CPS1: variants seen among roughly 807,000 people sequenced by gnomAD.
The protein encoded by CPS1 is carbamoyl-phosphate synthase 1.
CPS1 carries 109 observed loss-of-function variants against 174.6 expected under a neutral mutation model. The observed-to-expected ratio is 0.62, with a 90% confidence interval of 0.53 to 0.73. CPS1 has a LOEUF of 0.73. CPS1 is among the 30% of genes least tolerant of loss of function. The probability of loss-of-function intolerance (pLI) is 0.00; values close to 1 mark genes in which losing one functional copy is unlikely to be tolerated. For synonymous variants in CPS1, 637 were observed against 632.0 expected, an observed-to-expected ratio of 1.01 and a Z score of -0.12; for missense variants, 1,689 against 1,821.9, an observed-to-expected ratio of 0.93 and a Z score of 1.33.
intron 1 of CPS1, among the ~76,000 whole-genome samples, chr2:210,531,470 T>TAATA (rs1286522632): frequency 1.3e-5 from 2 of 152,122 alleles, no homozygotes; most frequent in Non-Finnish European, 2.9e-5. Context: ...GGGAACATTT[T>TAATA]AATGAGGCAA....
At chr2:210,592,174 TCTAG>T (rs1280687555) in intron 10 of CPS1, among the ~76,000 whole-genome samples, 5 of 152,100 alleles carry the variant, frequency 3.3e-5, no homozygotes, top group Non-Finnish European at 7.4e-5. Flanking sequence ...AATCTTCTCT[TCTAG>T]CTGTTTTGAA....
chr2:210,606,412 T>C (rs987901761), intron 17 of CPS1, among the ~76,000 whole-genome samples: 1 of 151,828 alleles, frequency 6.6e-6, no homozygotes, highest in African/African-American at 2.4e-5. Context: ...AGTGATAATA[T>C]TCAATGAAAG....
At chr2:210,515,519 CTT>C (rs754579144) in intron 1 of CPS1, among the ~76,000 whole-genome samples, 5 of 150,894 alleles carry the variant, frequency 3.3e-5, no homozygotes, top group South Asian at 2.1e-4. Flanking sequence ...CTCTGAGAAT[CTT>C]TTGTATTTCT....
At chr2:210,538,312 T>C (rs1696312730) in intron 1 of CPS1, among the ~76,000 whole-genome samples, 1 of 152,146 alleles carries the variant, frequency 6.6e-6, no homozygotes, top group Non-Finnish European at 1.5e-5. Context: ...TGCAGATACA[T>C]ACATAATTAT....
intron 34 of CPS1, chr2:210,673,146 A>G (rs1011869883): frequency 6.6e-6 from 1 of 152,230 alleles, no homozygotes; most frequent in Non-Finnish European, 1.5e-5. Flanking sequence ...TAACTAGCTC[A>G]TGTCATCTGT....
chr2:210,645,602 C>T (rs866653847), intron 25 of CPS1, among the ~76,000 whole-genome samples: 3 of 152,004 alleles, frequency 2.0e-5, no homozygotes, highest in African/African-American at 7.3e-5. Context: ...CAAGACCAGC[C>T]TGGACCCCAT....
At chr2:210,517,282 G>A (rs551477762) in intron 1 of CPS1, among the ~76,000 whole-genome samples, 3 of 151,836 alleles carry the variant, frequency 2.0e-5, no homozygotes, top group Non-Finnish European at 4.4e-5. Context: ...TACTTTATTG[G>A]TGCATAATCT....
In CPS1 at chr2:210,568,134, C is replaced by T. The variant is rs546966245; in HGVS notation, c.127-5164C>T. ...AATACCTTTAGCAATTAAAAGGTAA[C>T]ACACAACAGTATACACCAAATGCAG... On this transcript the variant is annotated intron_variant, in intron 1 of 37. Transcript: ENST00000233072. Among the ~76,000 whole-genome samples, 11 of 152,150 alleles carry T rather than the reference C, an allele frequency of 7.2e-5. 1 individual carries two copies. The South Asian group carries it at 2.1e-3, about 29-fold the overall frequency.
At chr2:210,602,587 A>G (rs1172594938) in intron 16 of CPS1, among the ~76,000 whole-genome samples, 1 of 151,972 alleles carries the variant, frequency 6.6e-6, no homozygotes, top group African/African-American at 2.4e-5. Context: ...CTTTTATAGT[A>G]CAATCTATTG....
At chr2:210,639,644 A>G (rs983667385) in intron 23 of CPS1, among the ~76,000 whole-genome samples, 1 of 149,664 alleles carries the variant, frequency 6.7e-6, no homozygotes, top group Non-Finnish European at 1.5e-5. Context: ...AAAAAAAAAA[A>G]GGCATCATGT....
chr2:210,630,932 TCAGAGAA>T (rs1412076071), intron 21 of CPS1, among the ~76,000 whole-genome samples: 27 of 151,656 alleles, frequency 1.8e-4, no homozygotes, highest in South Asian at 2.1e-4. Flanking sequence ...GGTTCATGAG[TCAGAGAA>T]CATATATCTT....
At chr2:210,549,747 A>G (rs747933922) in intron 1 of CPS1, among the ~76,000 whole-genome samples, 2 of 152,072 alleles carry the variant, frequency 1.3e-5, no homozygotes, top group African/African-American at 4.8e-5. Flanking sequence ...ATGTAAAACT[A>G]TCTAGGGAAT....
chr2:210,509,955 G>C (rs1695403714), intron 1 of CPS1, among the ~76,000 whole-genome samples: 2 of 152,120 alleles, frequency 1.3e-5, no homozygotes, highest in Non-Finnish European at 2.9e-5. Flanking sequence ...TACTGCCCAA[G>C]GTAATTTATA....
At chr2:210,543,006 T>A (rs1696472575) in intron 1 of CPS1, among the ~76,000 whole-genome samples, 1 of 152,090 alleles carries the variant, frequency 6.6e-6, no homozygotes, top group Non-Finnish European at 1.5e-5. Flanking sequence ...TGGCACCTCA[T>A]GCCCCTATAA....
chr2:210,629,784 C>T (rs1002300753), intron 21 of CPS1, among the ~76,000 whole-genome samples: 2 of 150,502 alleles, frequency 1.3e-5, no homozygotes. Flanking sequence ...GGCTCGGTGG[C>T]TCACGCCTGT....
Position 210,517,490 on chromosome 2 carries a change from G to A in CPS1, c.4-39229G>A, listed in dbSNP as rs569817816. 2.0e-5 allele frequency among the ~76,000 whole-genome samples: 3 copies of A among 152,112 alleles called. No homozygotes were observed. The South Asian group carries it at 6.2e-4, about 32-fold the overall frequency. ...ATATCAACCAATAGATGTGTGAATT[G>A]CAATTGTTAGTGGCCTTGAACTGCC... is the stretch of plus-strand genomic sequence containing the variant. On this transcript the variant is annotated intron_variant, in intron 1 of 38. Coordinates refer to the CPS1 transcript ENST00000430249.
intron 27 of CPS1, 96 bp downstream of exon 27, chr2:210,648,636 G>T (rs983174104): frequency 5.6e-5 from 55 of 983,210 alleles, no homozygotes; most frequent in Non-Finnish European, 8.1e-5. Context: ...TCTATATGTA[G>T]TAATTTATAA....
chr2:210,580,292 CTT>C (rs1257038022), intron 5 of CPS1, among the ~76,000 whole-genome samples: 1 of 152,020 alleles, frequency 6.6e-6, no homozygotes, highest in Non-Finnish European at 1.5e-5. Flanking sequence ...ATTATATAGT[CTT>C]TGTTGAGACC....
At position 210,667,952 on chromosome 2, in the gene CPS1, A is replaced by G. The variant is rs974216169; in HGVS notation, c.4003-234A>G. Among the ~76,000 whole-genome samples, 45 of 152,290 alleles carry G rather than the reference A, an allele frequency of 3.0e-4. 2 individuals are homozygous for G. The highest frequency in any genetic ancestry group is 8.2e-4 in the African/African-American group (34 of 41,568). On this transcript the variant is annotated intron_variant, in intron 33 of 37. Coordinates refer to ENST00000233072, the MANE Select transcript of CPS1 (RefSeq NM_001875.5). The stretch of plus-strand genomic sequence containing the variant: ...ATTCATTCATTATGCTTAATTAAAA[A>G]CATAAGATACATCTGCCCTGGCCAG...
Sources: allele counts gnomAD v4.1 joint callset (sites outside exome capture counted in the v4.1 genomes callset), GRCh38; gene constraint gnomAD v4.1.1; transcripts MANE v1.5; gene names NCBI Gene and HGNC (gene_info 2026-07-23, HGNC 2026-07-21).